The following BUB1B variants were observed in gnomAD, a reference collection of about 807,000 sequenced individuals.
BUB1B encodes BUB1 mitotic checkpoint serine/threonine kinase B, also known as mitotic checkpoint serine/threonine-protein kinase BUB1 beta.
Under a neutral mutation model 137.7 loss-of-function variants are expected in BUB1B, and 86 were observed. The ratio of observed to expected loss-of-function variants is 0.62; its 90% confidence interval spans 0.52 to 0.75. The LOEUF is 0.75. Ranked by LOEUF, BUB1B falls within the 30% of genes least tolerant of loss-of-function variation. BUB1B has a pLI of 0.00. For missense variants in BUB1B, 1,130 were observed against 1,236.9 expected (o/e 0.91, Z 1.30); for synonymous variants, 420 against 417.9 (o/e 1.00, Z -0.06).
intron 8 of BUB1B, among the ~76,000 whole-genome samples, chr15:40,195,569 T>C (rs1317393436): frequency 2.0e-5 from 3 of 152,238 alleles, no homozygotes; most frequent in Admixed American, 6.5e-5. Flanking sequence ...CTGTTTTCCA[T>C]AGTGGTTGTA....
chr15:40,184,705 C>A (rs1034567335), intron 6 of BUB1B, among the ~76,000 whole-genome samples: 1 of 152,074 alleles, frequency 6.6e-6, no homozygotes, highest in Non-Finnish European at 1.5e-5. Context: ...TCATCCAGAT[C>A]ATGATGAAGC....
At chr15:40,216,549 A>AC in intron 20 of BUB1B, among the ~76,000 whole-genome samples, 1 of 104,856 alleles carries the variant, frequency 9.5e-6, no homozygotes, top group Non-Finnish European at 1.8e-5. Flanking sequence ...TATATATACT[A>AC]TATATATATA....
chr15:40,161,452 G>A (rs1396902094), intron 1 of BUB1B, among the ~76,000 whole-genome samples, 197 bp downstream of exon 1: 2 of 152,170 alleles, frequency 1.3e-5, no homozygotes, highest in Non-Finnish European at 2.9e-5. Flanking sequence ...TGCGAATCCT[G>A]CCGCATCCAG....
intron 1 of BUB1B, 95 bp downstream of exon 1, chr15:40,161,350 C>G: frequency 1.4e-6 from 2 of 1,436,186 alleles, no homozygotes; most frequent in Non-Finnish European, 9.4e-7. Context: ...AGGGGGAGAT[C>G]GGCACCGTCA....
chr15:40,218,548 C>G lies in BUB1B; in HGVS notation c.2943C>G (p.Ser981Arg). 1 of 1,610,630 alleles carries G rather than the reference C, an allele frequency of 6.2e-7. No homozygotes were observed. Among genetic ancestry groups the G allele is most frequent in the Non-Finnish European group, 8.5e-7 (1 of 1,176,884 alleles). Residue 981 changes from serine to arginine, a missense_variant, in exon 22 of 23, where the codon AGC becomes AGG. Ser to Arg is a moderately radical substitution (Grantham distance 110, BLOSUM62 -1). Coordinates refer to ENST00000287598, the MANE Select transcript of BUB1B (RefSeq NM_001211.6). ...VFWDGSFWKL[S>R]QNISELKDGE... ...GGGATGGGTCCTTCTGGAAACTTAG[C>G]CAAAATATTTCTGAGTAAGTATTGA...
chr15:40,215,907 C>G (rs950573157), intron 20 of BUB1B, among the ~76,000 whole-genome samples: 1 of 152,060 alleles, frequency 6.6e-6, no homozygotes, highest in Admixed American at 6.5e-5. Flanking sequence ...TAGCAAGACC[C>G]TGTCTCTACA....
chr15:40,184,430 A>G (rs2037334692), intron 6 of BUB1B, among the ~76,000 whole-genome samples: 1 of 151,954 alleles, frequency 6.6e-6, no homozygotes, highest in African/African-American at 2.4e-5. Context: ...TCAGCCTCCC[A>G]AGTAGCTAGG....
At chr15:40,171,600 G>A (rs185727162) in intron 4 of BUB1B, among the ~76,000 whole-genome samples, 3 of 152,196 alleles carry the variant, frequency 2.0e-5, no homozygotes, top group Non-Finnish European at 4.4e-5. Flanking sequence ...TGTACTGGAG[G>A]AGGAGGTGCA....
rs745796231 is a variant in BUB1B at position 40,185,210 on chromosome 15, T to G, written c.797T>G (p.Met266Arg). 6.2e-7 allele frequency: 1 copy of G among 1,614,186 alleles called. No individual in the cohort carries two copies. The highest frequency in any genetic ancestry group is 8.5e-7 in the Non-Finnish European group (1 of 1,180,032). ...RGLQNPFPQQ[M>R]QNNSRITVFD... ...CTCCAAAATCCATTTCCTCAACAGA[T>G]GCAAAATAATAGTAGAATTACTGTT... Residue 266 changes from methionine (M) to arginine (R), a missense_variant, in exon 7 of 23, where the codon ATG becomes AGG. By Grantham distance (91) the Met-to-Arg change is moderately conservative. Coordinates refer to ENST00000287598, the MANE Select transcript of BUB1B (RefSeq NM_001211.6).
chr15:40,190,480 G>C (rs1044865212), intron 8 of BUB1B, among the ~76,000 whole-genome samples: 1 of 152,064 alleles, frequency 6.6e-6, no homozygotes, highest in Non-Finnish European at 1.5e-5. Flanking sequence ...TGGGCATAGT[G>C]GCACATGCCT....
At chr15:40,161,603 A>T (rs527923476) in intron 1 of BUB1B, among the ~76,000 whole-genome samples, 87 of 152,364 alleles carry the variant, frequency 5.7e-4, no homozygotes, top group African/African-American at 2.1e-3. Context: ...GCTGATGTTA[A>T]TGCTGCCTTA....
chr15:40,195,545 A>G (rs1199802857), intron 8 of BUB1B, among the ~76,000 whole-genome samples: 1 of 152,148 alleles, frequency 6.6e-6, no homozygotes, highest in African/African-American at 2.4e-5. Flanking sequence ...TTAGTTCCTT[A>G]AGGAATCTCC....
In BUB1B at chr15:40,220,546, G is replaced by T. The variant is rs770297660; in HGVS notation, c.2958-18G>T. ...TCATATGCCTAATCTTGATGGAAAT[G>T]GTTTTATATATTTTTAGGCTAAAAG... On this transcript the variant is annotated intron_variant, in intron 22 of 22. Transcript: ENST00000287598. 3.1e-6 allele frequency: 5 copies of T among 1,612,290 alleles called. No individual in the cohort carries two copies. In the African/African-American group the frequency reaches 5.3e-5, roughly 17 times the overall value.
Position 40,172,588 on chromosome 15 carries a change from A to G in BUB1B, c.384+1907A>G, listed in dbSNP as rs563415724. Reference sequence around the variant, plus strand: ...TGTAAAGATCTTCATCCTCGTCTTCACATTGAGTAGGCTGCGGAGGAAGAA... The same window carrying G: ...TGTAAAGATCTTCATCCTCGTCTTCGCATTGAGTAGGCTGCGGAGGAAGAA... On this transcript the variant is annotated intron_variant, in intron 4 of 22. Transcript: ENST00000287598. 5.9e-5 allele frequency among the ~76,000 whole-genome samples: 9 copies of G among 152,374 alleles called. No homozygotes were observed. The South Asian group carries it at 1.9e-3, about 32-fold the overall frequency.
intron 21 of BUB1B, 51 bp from the exon 22 acceptor site, chr15:40,218,405 A>G (rs1395234154): frequency 7.5e-7 from 1 of 1,339,832 alleles, no homozygotes; most frequent in South Asian, 1.2e-5. Context: ...ATAAGCTGCC[A>G]TGGTAGAGGC....
At position 40,199,791 on chromosome 15, in the gene BUB1B, A is replaced by G. The variant is rs568676842; in HGVS notation, c.1401+64A>G. The G allele has an allele frequency of 2.3e-6, 3 of 1,297,198 alleles. No homozygotes were observed. The South Asian group carries it at 3.8e-5, about 16-fold the overall frequency. 80.4% of individuals were successfully genotyped at this position (1,297,198 alleles called of 1,614,324 possible). On this transcript the variant is annotated intron_variant, in intron 10 of 22. Coordinates refer to ENST00000287598, the MANE Select transcript of BUB1B (RefSeq NM_001211.6). The stretch of plus-strand genomic sequence containing the variant: ...TGAAACAAATTTAAACATTATAAAA[A>G]TATAGAAGGTTAAAGTCCTCCCAAC...
intron 2 of BUB1B, among the ~76,000 whole-genome samples, chr15:40,166,963 G>A (rs2037106302): frequency 6.6e-6 from 1 of 151,986 alleles, no homozygotes; most frequent in African/African-American, 2.4e-5. Flanking sequence ...ATTTTGCCCA[G>A]TTTTCAAATT....
chr15:40,213,324 A>G lies in BUB1B; in HGVS notation c.2536-8A>G, dbSNP rs750936919. ...GAAATAGTGAGTTTTCTGTCCTTCA[A>G]TTTCCAGGATCTTCTCCAACACAGT... On this transcript the variant is annotated splice_region_variant and splice_polypyrimidine_tract_variant and intron_variant, in intron 19 of 22. Transcript: ENST00000287598. 6.2e-6 allele frequency: 10 copies of G among 1,613,634 alleles called. No individual in the cohort carries two copies. Among genetic ancestry groups the G allele is most frequent in the Non-Finnish European group, 8.5e-6 (10 of 1,179,860 alleles).
intron 10 of BUB1B, 101 bp from the exon 11 acceptor site, chr15:40,200,143 T>C (rs2037546597): frequency 1.2e-6 from 1 of 808,336 alleles, no homozygotes. Context: ...GTACTGTTAG[T>C]GGATGTCTAG....
Sources: gnomAD v4.1 joint callset for allele counts (sites outside exome capture counted in the v4.1 genomes callset) on GRCh38, gnomAD v4.1.1 for gene constraint, MANE v1.5 for transcripts, NCBI Gene and HGNC (gene_info 2026-07-23, HGNC 2026-07-21) for gene names.